ALDH1L1: variants seen among roughly 807,000 people sequenced by gnomAD.
The protein encoded by ALDH1L1 is aldehyde dehydrogenase 1 family member L1, also known as cytosolic 10-formyltetrahydrofolate dehydrogenase.
ALDH1L1 carries 68 observed loss-of-function variants against 101.1 expected under a neutral mutation model. The observed-to-expected ratio is 0.67, with a 90% CI of 0.55 to 0.82. The LOEUF is 0.82. ALDH1L1 is among the 40% of genes least tolerant of loss of function. The pLI is 0.00. For missense variants in ALDH1L1, 1,087 were observed against 1,172.7 expected, an observed-to-expected ratio of 0.93 and a Z score of 1.07; for synonymous variants, 486 against 470.8, an observed-to-expected ratio of 1.03 and a Z score of -0.42.
intron 12 of ALDH1L1, 170 bp downstream of exon 12, chr3:126,135,365 A>C: frequency 1.2e-6 from 1 of 800,352 alleles, no homozygotes; most frequent in Non-Finnish European, 1.8e-6. Flanking sequence ...GCCTTTTCTG[A>C]GCCTCAGGCA....
At position 126,140,089 on chromosome 3, in the gene ALDH1L1, G is replaced by C. The variant is rs568470551; in HGVS notation, c.1077-2129C>G. Among the ~76,000 whole-genome samples, 38 of 152,248 alleles carry C rather than the reference G, an allele frequency of 2.5e-4. No individual in the cohort carries two copies. The South Asian group carries it at 7.7e-3, about 31-fold the overall frequency. On this transcript the variant is annotated intron_variant, in intron 9 of 22. Transcript: ENST00000393434. ...AATGAAGTCCAAGCAGGATCAAAGAGATCCACACCAAGGCACATTACACCC... is the reference window on the plus strand; with the variant it reads ...AATGAAGTCCAAGCAGGATCAAAGACATCCACACCAAGGCACATTACACCC...
intron 14 of ALDH1L1, among the ~76,000 whole-genome samples, chr3:126,126,667 T>C (rs892172786): frequency 6.6e-6 from 1 of 152,082 alleles, no homozygotes; most frequent in South Asian, 2.1e-4. Flanking sequence ...TCGGTTACAG[T>C]GAACGGGGCT....
In ALDH1L1 at chr3:126,165,566, T is replaced by C. The variant is rs531912876; in HGVS notation, c.-23-4564A>G. ...CCATCTGGCCCTGAGCTTTCCTTGGTTGGTAGTTGTTTTCATTACTGATTC... is the reference window on the plus strand; with the variant it reads ...CCATCTGGCCCTGAGCTTTCCTTGGCTGGTAGTTGTTTTCATTACTGATTC... On this transcript the variant is annotated intron_variant, in intron 1 of 22. Coordinates refer to ENST00000393434, the MANE Select transcript of ALDH1L1 (RefSeq NM_012190.4). 2.0e-5 allele frequency among the ~76,000 whole-genome samples: 3 copies of C among 152,334 alleles called. No individual in the cohort carries two copies. The South Asian group carries it at 6.2e-4, about 32-fold the overall frequency.
intron 1 of ALDH1L1, among the ~76,000 whole-genome samples, chr3:126,189,434 A>G (rs1453606563): frequency 6.6e-6 from 1 of 152,214 alleles, no homozygotes; most frequent in African/African-American, 2.4e-5. Flanking sequence ...TAAAGTCTAC[A>G]ACAGGTGTGC....
At chr3:126,140,890 A>T (rs2080554818) in intron 9 of ALDH1L1, among the ~76,000 whole-genome samples, 1 of 152,058 alleles carries the variant, frequency 6.6e-6, no homozygotes, top group South Asian at 2.1e-4. Context: ...AAAATAAGAC[A>T]TTCAGAAAAC....
Position 126,103,602 on chromosome 3 carries a change from G to A in ALDH1L1, c.*189C>T. The A allele has an allele frequency of 1.6e-6, 1 of 616,372 alleles. No individual in the cohort carries two copies. Among genetic ancestry groups the A allele is most frequent in the South Asian group, 1.9e-5 (1 of 51,422 alleles). The allele number at this position is 616,372 out of a possible 1,614,324, so 38.2% of individuals were successfully genotyped here. A position where few individuals can be genotyped will look rare whatever the true frequency, so the allele number is the denominator to read the frequency against. ...TCAGAAGCTTTATTCTCCCTGGGAG[G>A]GGCACACCTCACCCAGCCAAGGGCT... is the stretch of plus-strand genomic sequence containing the variant. On this transcript the variant is annotated 3_prime_UTR_variant, in exon 23 of 23. Coordinates refer to ENST00000393434, the MANE Select transcript of ALDH1L1 (RefSeq NM_012190.4).
At chr3:126,190,100 T>C (rs2081543496) in intron 1 of ALDH1L1, among the ~76,000 whole-genome samples, 1 of 152,168 alleles carries the variant, frequency 6.6e-6, no homozygotes, top group South Asian at 2.1e-4. Flanking sequence ...TCTAATAACA[T>C]ATTAGCAACT....
At chr3:126,168,938 G>C (rs754828618) in intron 1 of ALDH1L1, among the ~76,000 whole-genome samples, 2 of 152,038 alleles carry the variant, frequency 1.3e-5, no homozygotes, top group Non-Finnish European at 2.9e-5. Context: ...ATCCAAACTA[G>C]ACATTTTGTT....
chr3:126,181,144 C>A (rs2081469577), upstream of ALDH1L1: 3 of 752,808 alleles, frequency 4.0e-6, no homozygotes, highest in Non-Finnish European at 6.7e-6. Flanking sequence ...CTGCAATTCC[C>A]CTTCTCCACT....
At chr3:126,190,085 A>G (rs1453458470) in intron 1 of ALDH1L1, among the ~76,000 whole-genome samples, 1 of 152,244 alleles carries the variant, frequency 6.6e-6, no homozygotes, top group East Asian at 1.9e-4. Context: ...GAAAGGAAAC[A>G]CATTTCTAAT....
At chr3:126,159,209 T>C (rs1036661367) in intron 2 of ALDH1L1, among the ~76,000 whole-genome samples, 6 of 151,764 alleles carry the variant, frequency 4.0e-5, no homozygotes, top group Middle Eastern at 3.4e-3. Context: ...AGCCTCAATA[T>C]GCACACATGC....
At chr3:126,114,452 G>A (rs1240285997) in intron 18 of ALDH1L1, 105 bp downstream of exon 18, 5 of 911,724 alleles carry the variant, frequency 5.5e-6, no homozygotes, top group Non-Finnish European at 7.8e-6. Flanking sequence ...ACTCCACCAG[G>A]GCTACACGTG....
At chr3:126,142,801 C>T (rs754755876) in intron 9 of ALDH1L1, among the ~76,000 whole-genome samples, 8 of 152,170 alleles carry the variant, frequency 5.3e-5, no homozygotes, top group Non-Finnish European at 1.2e-4. Context: ...CTTGCTTTCA[C>T]CACTTCCATT....
chr3:126,109,068 TCA>T (rs747625631), intron 20 of ALDH1L1, among the ~76,000 whole-genome samples: 6 of 152,132 alleles, frequency 3.9e-5, no homozygotes, highest in Non-Finnish European at 8.8e-5. Context: ...GGGACAATTC[TCA>T]GATTTGACAG....
rs371831646 is a variant in ALDH1L1 at position 126,155,392 on chromosome 3, C to G, written c.630+10G>C. On this transcript the variant is annotated intron_variant, in intron 5 of 22. Transcript: ENST00000393434. ...GGCAGGATGAGGGTGTGGAGGGACC[C>G]AGCACTCACCTTGGCTGTCTCCTTC... 76 of 1,610,798 alleles carry G rather than the reference C, an allele frequency of 4.7e-5. No individual in the cohort carries two copies. The highest frequency in any genetic ancestry group is 6.4e-5 in the Non-Finnish European group (75 of 1,178,442).
chr3:126,196,138 A>G (rs2081580777), intron 1 of ALDH1L1, among the ~76,000 whole-genome samples: 3 of 152,298 alleles, frequency 2.0e-5, no homozygotes, highest in Non-Finnish European at 4.4e-5. Flanking sequence ...AAGACCCAGT[A>G]GTTTCTATGT....
In ALDH1L1 at chr3:126,122,332, G is replaced by A. The variant is rs1242953030; in HGVS notation, c.1888+2032C>T. 3.0e-4 allele frequency among the ~76,000 whole-genome samples: 45 copies of A among 152,172 alleles called. 2 individuals are homozygous for A. The highest frequency in any genetic ancestry group is 2.9e-3 in the Admixed American group (45 of 15,278). Reference sequence around the variant, plus strand: ...TTTGCTTTCTTAACTGATTTAAAAAGCGATTGTGTAAAATGATTATATACA... The same window carrying A: ...TTTGCTTTCTTAACTGATTTAAAAAACGATTGTGTAAAATGATTATATACA... On this transcript the variant is annotated intron_variant, in intron 16 of 22. Transcript: ENST00000393434.
At chr3:126,164,246 G>A (rs534930894) in intron 1 of ALDH1L1, among the ~76,000 whole-genome samples, 58 of 152,294 alleles carry the variant, frequency 3.8e-4, no homozygotes, top group Non-Finnish European at 6.5e-4. Context: ...TCCTATTCAG[G>A]TTTTGGTGTA....
chr3:126,150,432 C>G lies in ALDH1L1; in HGVS notation c.958G>C (p.Glu320Gln). The change falls in exon 8 of 23, where the codon GAG (glutamate) becomes CAG (glutamine). Residue 320 changes from glutamate to glutamine, a missense_variant. This residue lies in a region of ALDH1L1 where 645 missense variants were observed against 637.0 expected (regional missense o/e 1.01). Coordinates refer to ENST00000393434, the MANE Select transcript of ALDH1L1 (RefSeq NM_012190.4). The stretch of plus-strand genomic sequence containing the variant: ...CGCACAGCCTCCGCAGTAACCAGCT[C>G]TGCCTCTGTCAGCTCAAGGACACTG... ...ASSVLELTEA[E>Q]LVTAEAVRSV... is the part of the protein sequence containing the mutation. The G allele has an allele frequency of 6.4e-7, 1 of 1,551,618 alleles. No individual in the cohort carries two copies. Among genetic ancestry groups the G allele is most frequent in the South Asian group, 1.2e-5 (1 of 84,054 alleles).
Sources: gnomAD v4.1 joint callset for allele counts (sites outside exome capture counted in the v4.1 genomes callset) on GRCh38, gnomAD v4.1.1 for gene constraint, gnomAD v4.1.1 regional missense constraint, MANE v1.5 for transcripts, NCBI Gene and HGNC (gene_info 2026-07-23, HGNC 2026-07-21) for gene names.